Variants in SBF2 observed in about 807,000 individuals in gnomAD.
The protein encoded by SBF2 is SET binding factor 2, also known as myotubularin-related protein 13.
A neutral mutation model predicts 225.2 loss-of-function variants in SBF2; 112 were observed. That is an observed-to-expected ratio of 0.50 (90% CI 0.43 to 0.58). The LOEUF is 0.58. SBF2 is among the 20% of genes least tolerant of loss of function. SBF2 has a pLI of 0.00. For missense variants in SBF2, 1,996 were observed against 2,206.2 expected (o/e 0.90, Z 1.91); for synonymous variants, 763 against 773.3 (o/e 0.99, Z 0.22).
chr11:9,942,258 G>C (rs1206342194), intron 16 of SBF2, among the ~76,000 whole-genome samples: 1 of 152,098 alleles, frequency 6.6e-6, no homozygotes, highest in Non-Finnish European at 1.5e-5. Flanking sequence ...TGTGAGACAG[G>C]GTTTCGCCAT....
In SBF2 at chr11:9,819,719, G is replaced by A. The variant is rs189630580; in HGVS notation, c.3794-2695C>T. On this transcript the variant is annotated intron_variant, in intron 28 of 39. Transcript: ENST00000256190. ...GGTCCTCATATTGAAGGAGAATGGCGAATGCTGCATGTTGTACAACACGTT... is the reference window on the plus strand; with the variant it reads ...GGTCCTCATATTGAAGGAGAATGGCAAATGCTGCATGTTGTACAACACGTT... Among the ~76,000 whole-genome samples, 6 of 152,298 alleles carry A rather than the reference G, an allele frequency of 3.9e-5. No individual in the cohort carries two copies. In the East Asian group the frequency reaches 9.6e-4, roughly 24 times the overall value.
chr11:10,254,702 T>A, intron 1 of SBF2, among the ~76,000 whole-genome samples: 1 of 150,776 alleles, frequency 6.6e-6, no homozygotes, highest in Admixed American at 6.6e-5. Context: ...GGTCAGGAGT[T>A]CAAGACCAGC....
At chr11:9,952,180 G>A (rs1180466049) in intron 16 of SBF2, among the ~76,000 whole-genome samples, 1 of 152,204 alleles carries the variant, frequency 6.6e-6, no homozygotes, top group Non-Finnish European at 1.5e-5. Flanking sequence ...CAGCAAGACA[G>A]AATTTCCCTC....
intron 2 of SBF2, among the ~76,000 whole-genome samples, chr11:10,140,615 C>T (rs983249336): frequency 6.6e-6 from 1 of 152,164 alleles, no homozygotes; most frequent in South Asian, 2.1e-4. Flanking sequence ...GTGTTACCCT[C>T]AGTTTTGTCA....
intron 13 of SBF2, among the ~76,000 whole-genome samples, chr11:9,987,627 G>A (rs577166813): frequency 6.6e-5 from 10 of 152,054 alleles, no homozygotes; most frequent in South Asian, 2.1e-4. Context: ...AACCAACAGC[G>A]ACCAAGCAGA....
rs796164091 is a variant in SBF2, at chr11:9,790,458, T to C, written c.4698+98A>G. Reference sequence around the variant, plus strand: ...CTTTTTGGTATGAAACCTAGTCCAATGTTTATAAAAAGCTTAAACTGCTTA... The same window carrying C: ...CTTTTTGGTATGAAACCTAGTCCAACGTTTATAAAAAGCTTAAACTGCTTA... On this transcript the variant is annotated intron_variant, in intron 34 of 39. Transcript: ENST00000256190. 4.7e-6 allele frequency: 5 copies of C among 1,060,134 alleles called. No individual in the cohort carries two copies. The African/African-American group carries it at 8.0e-5, about 17-fold the overall frequency. The allele number at this position is 1,060,134 out of a possible 1,614,324, so 65.7% of individuals were successfully genotyped here.
chr11:9,995,695 G>T (rs1324625543), intron 9 of SBF2, among the ~76,000 whole-genome samples: 5 of 150,118 alleles, frequency 3.3e-5, no homozygotes, highest in Non-Finnish European at 5.9e-5. Context: ...TTGTTGTCCA[G>T]GCTGGAGTGC....
intron 17 of SBF2, among the ~76,000 whole-genome samples, chr11:9,886,071 T>G (rs542710301): frequency 6.6e-6 from 1 of 152,330 alleles, no homozygotes; most frequent in South Asian, 2.1e-4. Flanking sequence ...AAAATGTACT[T>G]GGAGGGGCCA....
intron 1 of SBF2, among the ~76,000 whole-genome samples, chr11:10,231,930 C>T (rs922954267): frequency 6.6e-6 from 1 of 152,230 alleles, no homozygotes; most frequent in African/African-American, 2.4e-5. Context: ...GGCAGGCAGG[C>T]GTCCTTGAGC....
intron 3 of SBF2, among the ~76,000 whole-genome samples, chr11:10,032,065 T>G (rs1311802463): frequency 6.6e-6 from 1 of 152,176 alleles, no homozygotes; most frequent in Non-Finnish European, 1.5e-5. Flanking sequence ...CATACAAAAC[T>G]GAATTTCAGA....
intron 17 of SBF2, among the ~76,000 whole-genome samples, chr11:9,887,041 T>G (rs1323525024): frequency 2.0e-5 from 3 of 152,128 alleles, no homozygotes; most frequent in Non-Finnish European, 4.4e-5. Flanking sequence ...GTACTATATT[T>G]CTTTTGGAGT....
intron 2 of SBF2, among the ~76,000 whole-genome samples, chr11:10,174,235 C>T (rs1203043947): frequency 6.6e-6 from 1 of 152,062 alleles, no homozygotes; most frequent in African/African-American, 2.4e-5. Context: ...GAAATTCAAA[C>T]CAAAGGCAAA....
intron 1 of SBF2, among the ~76,000 whole-genome samples, chr11:10,270,936 A>G (rs1402233729): frequency 1.5e-5 from 2 of 137,812 alleles, no homozygotes; most frequent in Non-Finnish European, 3.1e-5. Context: ...CGGACCTTGC[A>G]GTGAGCCAAG....
chr11:9,819,659 T>C (rs922746622), intron 28 of SBF2, among the ~76,000 whole-genome samples: 1 of 152,116 alleles, frequency 6.6e-6, no homozygotes, highest in African/African-American at 2.4e-5. Flanking sequence ...ATTAAGGAAT[T>C]TGGGGTGTGT....
At chr11:10,076,140 G>A (rs1199066890) in intron 2 of SBF2, among the ~76,000 whole-genome samples, 1 of 152,244 alleles carries the variant, frequency 6.6e-6, no homozygotes, top group Non-Finnish European at 1.5e-5. Flanking sequence ...TGACGGGGGA[G>A]AGAGTATCTT....
At chr11:10,176,639 AG>A (rs1468162919) in intron 2 of SBF2, among the ~76,000 whole-genome samples, 2 of 152,240 alleles carry the variant, frequency 1.3e-5, no homozygotes, top group Non-Finnish European at 2.9e-5. Context: ...AGACTAAACC[AG>A]GAAGAAGTTG....
At chr11:9,979,837 T>A (rs1177953624) in intron 13 of SBF2, among the ~76,000 whole-genome samples, 1 of 148,536 alleles carries the variant, frequency 6.7e-6, no homozygotes, top group African/African-American at 2.5e-5. Context: ...TGAGACAGGG[T>A]CTTGCTCTGT....
chr11:10,292,268 T>A (rs1051913130), intron 1 of SBF2, among the ~76,000 whole-genome samples: 1 of 152,212 alleles, frequency 6.6e-6, no homozygotes, highest in Non-Finnish European at 1.5e-5. Flanking sequence ...TTGCAGAAAA[T>A]GCACATTAAA....
intron 17 of SBF2, among the ~76,000 whole-genome samples, chr11:9,861,352 G>A (rs937567380): frequency 6.6e-6 from 1 of 152,158 alleles, no homozygotes; most frequent in African/African-American, 2.4e-5. Context: ...GTACTGCCAT[G>A]CCTGGCTAAT....
Sources: gnomAD v4.1 joint callset for allele counts (sites outside exome capture counted in the v4.1 genomes callset) on GRCh38, gnomAD v4.1.1 for gene constraint, MANE v1.5 for transcripts, NCBI Gene and HGNC (gene_info 2026-07-23, HGNC 2026-07-21) for gene names.